DENND1A: variants seen among roughly 807,000 people sequenced by gnomAD.
The protein encoded by DENND1A is DENN domain-containing protein 1A.
In DENND1A, 51 loss-of-function variants were observed where a neutral mutation model predicts 113.7. The observed-to-expected ratio is 0.45, with a 90% CI of 0.36 to 0.57. The LOEUF (loss-of-function observed/expected upper bound fraction) is 0.57. Ranked by LOEUF, DENND1A falls within the 20% of genes least tolerant of loss-of-function variation. The probability of loss-of-function intolerance (pLI) is 0.00; values close to 1 mark genes in which losing one functional copy is unlikely to be tolerated. For synonymous variants in DENND1A, 565 were observed against 570.8 expected (o/e 0.99, Z 0.14); for missense variants, 1,258 against 1,395.9 (o/e 0.90, Z 1.57).
intron 5 of DENND1A, among the ~76,000 whole-genome samples, chr9:123,697,842 T>A (rs562560357): frequency 2.6e-5 from 4 of 152,212 alleles, no homozygotes; most frequent in African/African-American, 9.7e-5. Context: ...CTAACACTAA[T>A]GGTACATAAG....
At chr9:123,928,866 A>G in intron 1 of DENND1A, 1 of 985,500 alleles carries the variant, frequency 1.0e-6, no homozygotes, top group Non-Finnish European at 1.2e-6. Flanking sequence ...AAGAGGGTTT[A>G]AAGTGTCCTA....
chr9:123,498,479 A>G (rs961096682), intron 13 of DENND1A, among the ~76,000 whole-genome samples: 3 of 152,234 alleles, frequency 2.0e-5, no homozygotes, highest in African/African-American at 7.2e-5. Flanking sequence ...TGGGATTTCA[A>G]TCCAGGTCTC....
intron 12 of DENND1A, among the ~76,000 whole-genome samples, chr9:123,571,765 C>A (rs2058369057): frequency 6.6e-6 from 1 of 152,238 alleles, no homozygotes; most frequent in Non-Finnish European, 1.5e-5. Flanking sequence ...CATAAACATT[C>A]ATGTACAAGC....
chr9:123,890,743 T>C (rs910105004), intron 1 of DENND1A, among the ~76,000 whole-genome samples: 22 of 152,196 alleles, frequency 1.4e-4, no homozygotes, highest in African/African-American at 5.1e-4. Context: ...TTCACACAGT[T>C]TGTAAGAGAT....
intron 2 of DENND1A, among the ~76,000 whole-genome samples, chr9:123,870,318 G>A (rs1412613656): frequency 3.3e-5 from 5 of 149,788 alleles, no homozygotes; most frequent in African/African-American, 1.2e-4. Flanking sequence ...CGCCCCGGCT[G>A]GAATACAGTG....
At chr9:123,797,394 A>G (rs1833944706) in intron 2 of DENND1A, among the ~76,000 whole-genome samples, 1 of 152,226 alleles carries the variant, frequency 6.6e-6, no homozygotes, top group Admixed American at 6.5e-5. Context: ...TACACTAAAA[A>G]TGCAGACTTT....
chr9:123,887,398 T>G (rs975898660), intron 1 of DENND1A, among the ~76,000 whole-genome samples: 1 of 151,846 alleles, frequency 6.6e-6, no homozygotes, highest in Non-Finnish European at 1.5e-5. Context: ...GAGGAAGACA[T>G]CTACTCAGGG....
At chr9:123,635,838 C>T (rs1215209296) in intron 9 of DENND1A, among the ~76,000 whole-genome samples, 1 of 152,172 alleles carries the variant, frequency 6.6e-6, no homozygotes, top group Non-Finnish European at 1.5e-5. Context: ...GTCGTGTTCC[C>T]TTTCACATAC....
At chr9:123,686,474 G>A (rs911965286) in intron 5 of DENND1A, among the ~76,000 whole-genome samples, 7 of 152,110 alleles carry the variant, frequency 4.6e-5, no homozygotes, top group Non-Finnish European at 8.8e-5. Context: ...AAAGCCCCTC[G>A]GCTCCAAGTG....
At chr9:123,865,162 T>TA (rs1312869346) in intron 2 of DENND1A, among the ~76,000 whole-genome samples, 7 of 152,002 alleles carry the variant, frequency 4.6e-5, no homozygotes, top group Admixed American at 1.3e-4. Context: ...ACTGTGTAAT[T>TA]AAAAAAAAGC....
rs1476607221 is a variant in DENND1A, at chr9:123,557,641, C to T, written c.922G>A (p.Val308Met). Residue 308 changes from valine (V) to methionine (M), a missense_variant, in exon 13 of 24, where the codon GTG (valine) becomes ATG (methionine). Around this residue, in one of 2 missense-constraint regions of DENND1A, gnomAD observed 1,159 missense variants for 1,231.7 expected, o/e 0.94. Transcript: ENST00000394215. ...KKVSTTTGDG[V>M]ARAFLKAQAA... ...TGGGCCTTGAGGAACGCTCTGGCCA[C>T]ACCATCCCCAGTGGTTGTGGAGACC... 1 of 1,614,160 alleles carries T rather than the reference C, an allele frequency of 6.2e-7. No homozygotes were observed. Among genetic ancestry groups the T allele is most frequent in the Non-Finnish European group, 8.5e-7 (1 of 1,180,004 alleles).
intron 1 of DENND1A, among the ~76,000 whole-genome samples, chr9:123,925,668 T>C (rs1453887418): frequency 6.6e-6 from 1 of 152,228 alleles, no homozygotes; most frequent in Non-Finnish European, 1.5e-5. Flanking sequence ...ATTTATTGTT[T>C]AATATGTGCT....
chr9:123,842,059 C>G (rs866477508), intron 2 of DENND1A, among the ~76,000 whole-genome samples: 1 of 152,230 alleles, frequency 6.6e-6, no homozygotes, highest in Middle Eastern at 3.4e-3. Flanking sequence ...ATGCAATTCC[C>G]AAGAAACAAT....
intron 10 of DENND1A, among the ~76,000 whole-genome samples, chr9:123,611,404 AAC>A (rs1349484662): frequency 1.3e-5 from 2 of 152,212 alleles, no homozygotes; most frequent in Non-Finnish European, 2.9e-5. Context: ...TAGCTTCAGG[AAC>A]ACGACAGCTT....
chr9:123,796,187 G>A (rs1337191701), intron 2 of DENND1A, among the ~76,000 whole-genome samples: 1 of 152,154 alleles, frequency 6.6e-6, no homozygotes, highest in Non-Finnish European at 1.5e-5. Flanking sequence ...CTCAGACAAG[G>A]TTTCGTATCA....
Position 123,517,815 on chromosome 9 carries a change from T to C in DENND1A, c.993+39755A>G, listed in dbSNP as rs571703393. Among the ~76,000 whole-genome samples, 16 of 152,210 alleles carry C rather than the reference T, an allele frequency of 1.1e-4. 1 individual carries two copies. The highest frequency in any genetic ancestry group is 1.0e-3 in the Admixed American group (16 of 15,286). On this transcript the variant is annotated intron_variant, in intron 13 of 23. Transcript: ENST00000394215. The stretch of plus-strand genomic sequence containing the variant: ...GCATGAAAAAGGAAGAAAAATGATA[T>C]TGACTGAACTCAATTATTTAAAAAG...
intron 1 of DENND1A, 66 bp downstream of exon 1, chr9:123,929,823 T>C: frequency 5.1e-6 from 1 of 197,270 alleles, no homozygotes; most frequent in Non-Finnish European, 9.8e-6. Context: ...GCCCGCGGCC[T>C]GCAGCCCTGG....
intron 2 of DENND1A, among the ~76,000 whole-genome samples, chr9:123,819,096 A>T (rs951154911): frequency 6.6e-6 from 1 of 152,242 alleles, no homozygotes; most frequent in Admixed American, 6.5e-5. Context: ...CAAGCTCTTC[A>T]GGTGATTATC....
At position 123,818,889 on chromosome 9, in the gene DENND1A, G is replaced by A. The variant is rs184896755; in HGVS notation, c.89-26259C>T. Among the ~76,000 whole-genome samples, 15 of 152,166 alleles carry A rather than the reference G, an allele frequency of 9.9e-5. No individual in the cohort carries two copies. In the East Asian group the frequency reaches 2.5e-3, roughly 25 times the overall value. On this transcript the variant is annotated intron_variant, in intron 2 of 23. Transcript: ENST00000394215. ...GTGTCTTATAAGGGACTGATTAAAC[G>A]AATTATGATGCATTTATGTGATAAA...
Sources: allele counts gnomAD v4.1 joint callset (sites outside exome capture counted in the v4.1 genomes callset), GRCh38; gene constraint gnomAD v4.1.1; regional missense constraint gnomAD v4.1.1; transcripts MANE v1.5; gene names NCBI Gene and HGNC (gene_info 2026-07-23, HGNC 2026-07-21).